Variants in FRMD4B observed in about 807,000 individuals in gnomAD.
FRMD4B encodes FERM domain containing 4B.
Under a neutral mutation model 141.5 loss-of-function variants are expected in FRMD4B, and 74 were observed. That is an observed-to-expected ratio of 0.52 (90% CI 0.43 to 0.63). FRMD4B has a LOEUF of 0.63. Among genes scored for constraint, FRMD4B ranks in the 30% least tolerant of loss-of-function variants. The pLI is 0.00. For missense variants in FRMD4B, 1,366 were observed against 1,253.4 expected, an observed-to-expected ratio of 1.09 and a Z score of -1.36; for synonymous variants, 506 against 467.9, an observed-to-expected ratio of 1.08 and a Z score of -1.05.
intron 1 of FRMD4B, among the ~76,000 whole-genome samples, chr3:69,485,290 C>A (rs992014710): frequency 2.0e-5 from 3 of 152,214 alleles, no homozygotes; most frequent in Non-Finnish European, 4.4e-5. Flanking sequence ...GGAACAGGCA[C>A]CGCAGAGCCT....
intron 11 of FRMD4B, among the ~76,000 whole-genome samples, chr3:69,201,399 T>C (rs1243042440): frequency 6.6e-6 from 1 of 152,162 alleles, no homozygotes; most frequent in Non-Finnish European, 1.5e-5. Context: ...ACAGGTATTG[T>C]CATATCTTTA....
intron 4 of FRMD4B, among the ~76,000 whole-genome samples, chr3:69,297,815 A>G (rs1701081159): frequency 6.6e-6 from 1 of 152,220 alleles, no homozygotes; most frequent in Admixed American, 6.5e-5. Context: ...CCATGGAAAT[A>G]GAGAACTGGT....
intron 11 of FRMD4B, among the ~76,000 whole-genome samples, chr3:69,199,563 A>G (rs2092946342): frequency 1.3e-5 from 2 of 152,210 alleles, no homozygotes; most frequent in African/African-American, 4.8e-5. Context: ...TTTCCTACCT[A>G]TGAAGAGTTC....
chr3:69,453,424 C>T (rs543620760), intron 1 of FRMD4B, among the ~76,000 whole-genome samples: 21 of 152,148 alleles, frequency 1.4e-4, no homozygotes, highest in Non-Finnish European at 2.9e-5. Flanking sequence ...CCGTGCATAG[C>T]GCCGGGCACC....
At chr3:69,300,208 C>T (rs905075816) in intron 4 of FRMD4B, among the ~76,000 whole-genome samples, 3 of 152,138 alleles carry the variant, frequency 2.0e-5, no homozygotes, top group African/African-American at 4.8e-5. Flanking sequence ...AATTCTTTGG[C>T]GTGTGCTTTT....
At chr3:69,510,744 C>T (rs866837633) in intron 1 of FRMD4B, among the ~76,000 whole-genome samples, 4 of 152,138 alleles carry the variant, frequency 2.6e-5, no homozygotes, top group Admixed American at 6.6e-5. Flanking sequence ...TCTATAATTT[C>T]CAGACCACCC....
At chr3:69,266,969 C>A (rs74881733) in intron 5 of FRMD4B, among the ~76,000 whole-genome samples, 5,244 of 152,290 alleles carry the variant, frequency 0.034, 147 homozygotes, top group East Asian at 0.1. Context: ...GCCATTTCAT[C>A]ATCTATAGAG....
chr3:69,207,806 CAA>C (rs200656924), intron 11 of FRMD4B, among the ~76,000 whole-genome samples: 10 of 147,768 alleles, frequency 6.8e-5, no homozygotes, highest in East Asian at 2.0e-4. Flanking sequence ...GACTCCGTCT[CAA>C]AAAAAAAAAA....
At chr3:69,238,966 TATACTA>T (rs1451148589) in intron 7 of FRMD4B, among the ~76,000 whole-genome samples, 4 of 152,238 alleles carry the variant, frequency 2.6e-5, no homozygotes, top group Non-Finnish European at 4.4e-5. Context: ...TGGACATACT[TATACTA>T]AAAAATTGCT....
rs186836842 is a variant in FRMD4B, at chr3:69,517,334, C to T, written c.-129+24872G>A. On this transcript the variant is annotated intron_variant, in intron 1 of 5. Transcript: ENST00000459638. ...TCCTCTGTGATGGCTCGCCCAAATA[C>T]CACCCTATGTCAGATTGATTTGTTC... Among the ~76,000 whole-genome samples the T allele has an allele frequency of 2.3e-3, 355 of 152,132 alleles. 2 individuals are homozygous for T. The highest frequency in any genetic ancestry group is 8.2e-3 in the African/African-American group (340 of 41,504).
intron 2 of FRMD4B, among the ~76,000 whole-genome samples, chr3:69,428,085 G>C (rs80275902): frequency 6.6e-6 from 1 of 152,050 alleles, no homozygotes; most frequent in African/African-American, 2.4e-5. Flanking sequence ...CTTTTCAGTT[G>C]TAACTATGCA....
chr3:69,446,331 AT>A (rs1345644388), intron 1 of FRMD4B, among the ~76,000 whole-genome samples: 1 of 148,462 alleles, frequency 6.7e-6, no homozygotes. Flanking sequence ...TAGCCTACAA[AT>A]TTTTTTATTT....
Position 69,181,445 on chromosome 3 carries a change from G to T in FRMD4B, c.2305C>A (p.Gln769Lys). 6.2e-7 allele frequency: 1 copy of T among 1,613,930 alleles called. No individual in the cohort carries two copies. The highest frequency in any genetic ancestry group is 8.5e-7 in the Non-Finnish European group (1 of 1,179,878). Residue 769 changes from glutamine to lysine, a missense_variant, in exon 21 of 23, where the codon CAG becomes AAG. Gln to Lys is a moderately conservative substitution (Grantham distance 53). Transcript: ENST00000398540. ...RTRGRRRSKK[Q>K]NVSTSNSGSM... Reference sequence around the variant, plus strand: ...CCTGAATTTGAAGTAGAAACATTCTGTTTCTTTGACCTCCTCCGACCCCTG... The same window carrying T: ...CCTGAATTTGAAGTAGAAACATTCTTTTTCTTTGACCTCCTCCGACCCCTG...
At chr3:69,328,597 C>G (rs1435805789) in intron 1 of FRMD4B, among the ~76,000 whole-genome samples, 1 of 152,162 alleles carries the variant, frequency 6.6e-6, no homozygotes, top group African/African-American at 2.4e-5. Flanking sequence ...GTCATAAAGA[C>G]TCAGCTGATA....
At chr3:69,233,404 A>T (rs939023602) in intron 7 of FRMD4B, among the ~76,000 whole-genome samples, 2 of 150,742 alleles carry the variant, frequency 1.3e-5, no homozygotes, top group Non-Finnish European at 2.9e-5. Flanking sequence ...GAATCACCTG[A>T]GGCCGGGAGT....
chr3:69,427,708 T>G (rs1353787820), intron 2 of FRMD4B, among the ~76,000 whole-genome samples: 2 of 126,868 alleles, frequency 1.6e-5, no homozygotes, highest in Non-Finnish European at 3.1e-5. Context: ...CAGGTTGGAG[T>G]GCAGTGGCTC....
At position 69,186,874 on chromosome 3, in the gene FRMD4B, G is replaced by A. The variant is rs549705085; in HGVS notation, c.1919+896C>T. Among the ~76,000 whole-genome samples the A allele has an allele frequency of 1.1e-4, 16 of 152,312 alleles. 1 individual carries two copies. Among genetic ancestry groups the A allele is most frequent in the African/African-American group, 3.8e-4 (16 of 41,572 alleles). On this transcript the variant is annotated intron_variant, in intron 19 of 22. Transcript: ENST00000398540. ...AATTTCTTTTTAGGCAAAGCAAACA[G>A]CTGGTAACTGTTTGTTTGCTTTTTA... is the stretch of plus-strand genomic sequence containing the variant.
chr3:69,185,622 C>T (rs1575588568), intron 19 of FRMD4B, among the ~76,000 whole-genome samples: 3 of 152,094 alleles, frequency 2.0e-5, no homozygotes, highest in Non-Finnish European at 4.4e-5. Flanking sequence ...ATTCATGGTC[C>T]CTGGCCCTCA....
In FRMD4B at chr3:69,199,753, G is replaced by A. The variant is rs968597462; in HGVS notation, c.877-979C>T. 1.1e-4 allele frequency among the ~76,000 whole-genome samples: 17 copies of A among 152,214 alleles called. No individual in the cohort carries two copies. The South Asian group carries it at 2.9e-3, about 26-fold the overall frequency. On this transcript the variant is annotated intron_variant, in intron 11 of 22. Transcript: ENST00000398540. ...ATACTCTATTGCGGCACTCAGTGCC[G>A]TCAGTTTGATTGGGAGGAACAAACT...
Sources: gnomAD v4.1 joint callset for allele counts (sites outside exome capture counted in the v4.1 genomes callset) on GRCh38, gnomAD v4.1.1 for gene constraint, MANE v1.5 for transcripts, NCBI Gene and HGNC (gene_info 2026-07-23, HGNC 2026-07-21) for gene names.